Variants in MMP16 observed in about 807,000 individuals in gnomAD.
MMP16 encodes matrix metalloproteinase-16.
MMP16 carries 12 observed loss-of-function variants against 67.8 expected under a neutral mutation model. The ratio of observed to expected loss-of-function variants is 0.18; its 90% CI spans 0.11 to 0.29. The LOEUF (loss-of-function observed/expected upper bound fraction) is 0.29. Among genes scored for constraint, MMP16 ranks in the 10% least tolerant of loss-of-function variants. MMP16 has a pLI of 1.00. For missense variants in MMP16, 475 were observed against 765.7 expected (o/e 0.62, Z 4.48); for synonymous variants, 249 against 255.9 (o/e 0.97, Z 0.26).
At chr8:88,149,382 C>T (rs1483530888) in intron 4 of MMP16, among the ~76,000 whole-genome samples, 2 of 152,172 alleles carry the variant, frequency 1.3e-5, no homozygotes, top group Non-Finnish European at 2.9e-5. Flanking sequence ...GCCTGCCTGC[C>T]TCTGTAGGCT....
intron 6 of MMP16, among the ~76,000 whole-genome samples, chr8:88,100,547 A>G (rs989571867): frequency 3.3e-5 from 5 of 152,066 alleles, no homozygotes; most frequent in Non-Finnish European, 5.9e-5. Context: ...AACTAGTTCA[A>G]CCATTGTGGA....
Position 88,115,921 on chromosome 8 carries a change from A to G in MMP16, c.1083+586T>C, listed in dbSNP as rs1809420090. On this transcript the variant is annotated intron_variant, in intron 6 of 9. Transcript: ENST00000286614. ...AAATGTAAAATTAGTTTCAGCTTGT[A>G]GCCTTTTAAAAAAATAATATAAATT... is the stretch of plus-strand genomic sequence containing the variant. Among the ~76,000 whole-genome samples, 3 of 152,168 alleles carry G rather than the reference A, an allele frequency of 2.0e-5. No homozygotes were observed. In the South Asian group the frequency reaches 6.2e-4, roughly 31 times the overall value.
In MMP16 at chr8:88,269,839, T is replaced by C. The variant is rs182543865; in HGVS notation, c.132+57236A>G. The stretch of plus-strand genomic sequence containing the variant: ...ATATAGCAGTTTTTGTGGTAGAATT[T>C]CAAAGAAAAACCAGACAAAACAAAG... On this transcript the variant is annotated intron_variant, in intron 1 of 9. Coordinates refer to ENST00000286614, the MANE Select transcript of MMP16 (RefSeq NM_005941.5). 6.7e-3 allele frequency among the ~76,000 whole-genome samples: 1,028 copies of C among 152,356 alleles called. 5 individuals are homozygous for C. Among genetic ancestry groups the C allele is most frequent in the South Asian group, 0.017 (84 of 4,830 alleles).
At chr8:88,114,753 C>T (rs1809400332) in intron 6 of MMP16, among the ~76,000 whole-genome samples, 1 of 151,914 alleles carries the variant, frequency 6.6e-6, no homozygotes, top group African/African-American at 2.4e-5. Context: ...ATTTTAGAAA[C>T]TCTGTCCTGT....
intron 1 of MMP16, among the ~76,000 whole-genome samples, chr8:88,244,990 T>C (rs1293502590): frequency 1.3e-5 from 2 of 152,096 alleles, no homozygotes; most frequent in African/African-American, 2.4e-5. Flanking sequence ...TACATAGAAA[T>C]TGAGGTCGGG....
chr8:88,070,674 C>T (rs1045503064), intron 7 of MMP16, among the ~76,000 whole-genome samples: 1 of 152,088 alleles, frequency 6.6e-6, no homozygotes, highest in Non-Finnish European at 1.5e-5. Context: ...AGAAAGTCTT[C>T]TGAGCTCTGC....
chr8:88,079,201 A>G (rs759302438), intron 6 of MMP16, among the ~76,000 whole-genome samples: 3 of 152,112 alleles, frequency 2.0e-5, no homozygotes, highest in Non-Finnish European at 2.9e-5. Context: ...TTTGCCCTAC[A>G]GTAGGCCCTC....
At chr8:88,298,139 A>G (rs771898560) in intron 1 of MMP16, among the ~76,000 whole-genome samples, 3 of 152,214 alleles carry the variant, frequency 2.0e-5, no homozygotes, top group Non-Finnish European at 2.9e-5. Flanking sequence ...AAGAGAAGGT[A>G]AGAAAGGTAA....
intron 1 of MMP16, among the ~76,000 whole-genome samples, chr8:88,267,460 A>C (rs1011786400): frequency 3.3e-5 from 5 of 152,296 alleles, no homozygotes; most frequent in African/African-American, 1.2e-4. Flanking sequence ...GCACCTATTA[A>C]TGTGCCTGCC....
intron 1 of MMP16, among the ~76,000 whole-genome samples, chr8:88,256,721 T>C (rs1269953359): frequency 4.0e-5 from 6 of 150,200 alleles, no homozygotes; most frequent in Non-Finnish European, 8.9e-5. Context: ...ACACCATCCA[T>C]CAGGGGAACT....
chr8:88,217,522 T>C (rs73288930), intron 1 of MMP16, among the ~76,000 whole-genome samples: 1,553 of 152,208 alleles, frequency 0.01, 22 homozygotes, highest in African/African-American at 0.036. Context: ...TCTTCCTTTC[T>C]GCACTTCTTA....
intron 1 of MMP16, among the ~76,000 whole-genome samples, chr8:88,216,431 T>A (rs1359222594): frequency 1.3e-5 from 2 of 152,206 alleles, no homozygotes; most frequent in Non-Finnish European, 2.9e-5. Flanking sequence ...TAACTATCAA[T>A]GTCAGGAAGT....
rs547332162 is a variant in MMP16, at chr8:88,080,135, G to A, written c.1084-5392C>T. On this transcript the variant is annotated intron_variant, in intron 6 of 9. Coordinates refer to ENST00000286614, the MANE Select transcript of MMP16 (RefSeq NM_005941.5). ...ATGCTCCACAAGAATGGGGCAGTGC[G>A]TATTTTCCTTATCGCTGGATTACCA... Among the ~76,000 whole-genome samples, 31 of 152,264 alleles carry A rather than the reference G, an allele frequency of 2.0e-4. No homozygotes were observed. The South Asian group carries it at 6.4e-3, about 32-fold the overall frequency.
At chr8:88,319,051 C>T (rs889902448) in intron 1 of MMP16, among the ~76,000 whole-genome samples, 9 of 152,200 alleles carry the variant, frequency 5.9e-5, no homozygotes, top group African/African-American at 2.2e-4. Context: ...CAATAAAGAT[C>T]ACATATCCAT....
chr8:88,304,050 T>C (rs1207969245), intron 1 of MMP16, among the ~76,000 whole-genome samples: 1 of 152,072 alleles, frequency 6.6e-6, no homozygotes, highest in Non-Finnish European at 1.5e-5. Context: ...AGAATCATGA[T>C]AAAAACAATA....
rs1300476596 is a variant in MMP16 at position 88,046,799 on chromosome 8, A to G, written c.1374-15T>C. The G allele has an allele frequency of 6.8e-7, 1 of 1,475,664 alleles. No individual in the cohort carries two copies. The allele number at this position is 1,475,664 out of a possible 1,614,324, so 91.4% of individuals were successfully genotyped here. A position where few individuals can be genotyped will look rare whatever the true frequency, so the allele number is the denominator to read the frequency against. ...ATCTCCAATATCTACAAAGGATAAA[A>G]ACAACAACAACAAACACAATAACAC... On this transcript the variant is annotated splice_polypyrimidine_tract_variant and intron_variant, in intron 8 of 9. Transcript: ENST00000286614.
chr8:88,223,612 T>A (rs925338180), intron 1 of MMP16, among the ~76,000 whole-genome samples: 1 of 145,606 alleles, frequency 6.9e-6, no homozygotes, highest in African/African-American at 2.6e-5. Context: ...AAACACTGCA[T>A]GTTGTCACTC....
rs559062972 is a variant in MMP16 at position 88,190,126 on chromosome 8, G to A, written c.282-3528C>T. Among the ~76,000 whole-genome samples, 4 of 152,182 alleles carry A rather than the reference G, an allele frequency of 2.6e-5. No individual in the cohort carries two copies. The South Asian group carries it at 8.3e-4, about 32-fold the overall frequency. On this transcript the variant is annotated intron_variant, in intron 2 of 9. Transcript: ENST00000286614. The stretch of plus-strand genomic sequence containing the variant: ...CATGAAGTAGATAATTTACACATAA[G>A]AAATAAGCATAACATATATAATATA...
chr8:88,112,715 C>G (rs1167614072), intron 6 of MMP16, among the ~76,000 whole-genome samples: 1 of 98,426 alleles, frequency 1.0e-5, no homozygotes. Flanking sequence ...AGATACATAT[C>G]CCACCTCCTA....
Sources: gnomAD v4.1 joint callset for allele counts (sites outside exome capture counted in the v4.1 genomes callset) on GRCh38, gnomAD v4.1.1 for gene constraint, MANE v1.5 for transcripts, NCBI Gene and HGNC (gene_info 2026-07-23, HGNC 2026-07-21) for gene names.